KNTC1: variants seen among roughly 807,000 people sequenced by gnomAD.
KNTC1 encodes kinetochore associated 1.
In KNTC1, 253 loss-of-function variants were observed where a neutral mutation model predicts 314.4. The ratio of observed to expected loss-of-function variants is 0.80; its 90% CI spans 0.73 to 0.89. The LOEUF is 0.89. Among genes scored for constraint, KNTC1 ranks in the 40% least tolerant of loss-of-function variants. KNTC1 has a pLI of 0.00. For missense variants in KNTC1, 2,475 were observed against 2,572.9 expected (o/e 0.96, Z 0.82); for synonymous variants, 901 against 901.4 (o/e 1.00, Z 0.01).
intron 51 of KNTC1, among the ~76,000 whole-genome samples, chr12:122,607,575 C>T (rs890011277): frequency 6.6e-6 from 1 of 152,154 alleles, no homozygotes; most frequent in Non-Finnish European, 1.5e-5. Context: ...CATTTGGAGG[C>T]ACATGAGGTC....
At position 122,622,364 on chromosome 12, in the gene KNTC1, G is replaced by A. The variant is rs116262440; in HGVS notation, c.6370-98G>A. The A allele has an allele frequency of 1.9e-3, 2,058 of 1,101,122 alleles. 28 individuals are homozygous for A. The African/African-American group carries it at 0.03, about 16-fold the overall frequency. 68.2% of individuals were successfully genotyped at this position (1,101,122 alleles called of 1,614,324 possible). On this transcript the variant is annotated intron_variant, in intron 61 of 63. Coordinates refer to ENST00000333479, the MANE Select transcript of KNTC1 (RefSeq NM_014708.6). Reference sequence around the variant, plus strand: ...GGCTTCCGATTGTCAGAAATGTTTTGATATTGAATAAAGGCTTGATACCTG... The same window carrying A: ...GGCTTCCGATTGTCAGAAATGTTTTAATATTGAATAAAGGCTTGATACCTG...
chr12:122,604,358 G>C (rs1380291954), intron 48 of KNTC1, among the ~76,000 whole-genome samples: 4 of 151,640 alleles, frequency 2.6e-5, no homozygotes, highest in African/African-American at 4.8e-5. Flanking sequence ...TGTTGGCCAG[G>C]GTGGTCTCAA....
intron 24 of KNTC1, among the ~76,000 whole-genome samples, chr12:122,572,466 C>T (rs978698582): frequency 2.6e-5 from 4 of 152,124 alleles, no homozygotes; most frequent in African/African-American, 7.2e-5. Flanking sequence ...AAGGTTGTGT[C>T]TGTCAAGTCA....
chr12:122,571,585 C>T (rs986706477), intron 24 of KNTC1, among the ~76,000 whole-genome samples: 5 of 151,986 alleles, frequency 3.3e-5, no homozygotes, highest in African/African-American at 1.2e-4. Context: ...TCTTGAACTC[C>T]CAGACCCAAG....
intron 18 of KNTC1, among the ~76,000 whole-genome samples, chr12:122,558,429 G>T (rs1456006581): frequency 6.6e-6 from 1 of 151,892 alleles, no homozygotes; most frequent in African/African-American, 2.4e-5. Flanking sequence ...TCACGCGCCT[G>T]TAGTCTCAAC....
intron 12 of KNTC1, 91 bp downstream of exon 12, chr12:122,548,060 A>G (rs1962921368): frequency 1.5e-6 from 1 of 679,630 alleles, no homozygotes; most frequent in Non-Finnish European, 2.4e-6. Flanking sequence ...AGTACAGCAT[A>G]TTAGCTCTTA....
At position 122,577,058 on chromosome 12, in the gene KNTC1, ATGGC is replaced by A. The variant is rs1965077772; in HGVS notation, c.2721+31_2721+34del. 3.4e-6 allele frequency: 5 copies of A among 1,462,638 alleles called. No homozygotes were observed. The East Asian group carries it at 1.3e-4, about 39-fold the overall frequency. The allele number at this position is 1,462,638 out of a possible 1,614,324, so 90.6% of individuals were successfully genotyped here. On this transcript the variant is annotated intron_variant, in intron 30 of 63. Coordinates refer to ENST00000333479, the MANE Select transcript of KNTC1 (RefSeq NM_014708.6). ...TGTAAGTTTTATGTTGTCATTTCAT[ATGGC>A]TTCTTTGTTTCTGTGTTGTTGTTGT... is the stretch of plus-strand genomic sequence containing the variant.
chr12:122,544,097 A>G (rs972136912), intron 7 of KNTC1, 62 bp from the exon 8 acceptor site: 1 of 675,522 alleles, frequency 1.5e-6, no homozygotes, highest in Non-Finnish European at 2.5e-6. Flanking sequence ...AACTGATTTT[A>G]GTGATTTTAT....
chr12:122,560,161 C>T (rs981976288), intron 18 of KNTC1, among the ~76,000 whole-genome samples: 2 of 152,144 alleles, frequency 1.3e-5, no homozygotes, highest in African/African-American at 2.4e-5. Context: ...CCTCCAGGTT[C>T]ATTCATGTTG....
chr12:122,554,555 A>G (rs1042180974), intron 16 of KNTC1, among the ~76,000 whole-genome samples: 1 of 152,182 alleles, frequency 6.6e-6, no homozygotes, highest in African/African-American at 2.4e-5. Context: ...CTTTATTTTT[A>G]AAGCTAAAGG....
intron 43 of KNTC1, 130 bp from the exon 44 acceptor site, chr12:122,597,601 G>C (rs772080274): frequency 2.1e-5 from 16 of 752,532 alleles, no homozygotes; most frequent in African/African-American, 8.7e-5. Context: ...TAGTTTGTCT[G>C]ATTTTGAGAC....
chr12:122,533,999 C>G (rs536219335), intron 2 of KNTC1, among the ~76,000 whole-genome samples: 2 of 152,344 alleles, frequency 1.3e-5, no homozygotes, highest in East Asian at 3.9e-4. Flanking sequence ...TAGTAAGGGA[C>G]TGAGCTTCCT....
intron 30 of KNTC1, 120 bp from the exon 31 acceptor site, chr12:122,577,552 A>C (rs891357452): frequency 8.9e-6 from 9 of 1,012,686 alleles, no homozygotes; most frequent in Non-Finnish European, 1.3e-5. Flanking sequence ...AAAACATTGA[A>C]CCATAATCTG....
intron 62 of KNTC1, among the ~76,000 whole-genome samples, chr12:122,623,712 A>G (rs1446706823): frequency 6.6e-6 from 1 of 152,124 alleles, no homozygotes; most frequent in Non-Finnish European, 1.5e-5. Flanking sequence ...TGTGATACCC[A>G]AATTCATCAG....
Position 122,549,869 on chromosome 12 carries a change from GT to G in KNTC1, c.1086+8del. The G allele has an allele frequency of 6.9e-7, 1 of 1,455,530 alleles. No homozygotes were observed. The highest frequency in any genetic ancestry group is 9.5e-7 in the Non-Finnish European group (1 of 1,051,616). The allele number at this position is 1,455,530 out of a possible 1,614,324, so 90.2% of individuals were successfully genotyped here. A position where few individuals can be genotyped will look rare whatever the true frequency, so the allele number is the denominator to read the frequency against. ...GTCCAAACAGGAATTAGCACAGTAA[GT>G]TTATTTGCATTTTAAAGTATTCTTT... is the stretch of plus-strand genomic sequence containing the variant. On this transcript the variant is annotated splice_donor_region_variant and intron_variant, in intron 13 of 63. Coordinates refer to ENST00000333479, the MANE Select transcript of KNTC1 (RefSeq NM_014708.6).
intron 51 of KNTC1, among the ~76,000 whole-genome samples, chr12:122,605,626 A>G (rs996119978): frequency 1.3e-5 from 2 of 152,086 alleles, no homozygotes; most frequent in Non-Finnish European, 2.9e-5. Context: ...GCTCACTGCA[A>G]CCTCTGCCTC....
At chr12:122,594,906 G>A (rs1282751872) in intron 43 of KNTC1, among the ~76,000 whole-genome samples, 5 of 151,950 alleles carry the variant, frequency 3.3e-5, no homozygotes, top group East Asian at 1.9e-4. Flanking sequence ...TATTTGAGAC[G>A]GAGTCTCCCT....
intron 27 of KNTC1, 24 bp downstream of exon 27, chr12:122,574,404 G>C: frequency 7.4e-7 from 1 of 1,356,600 alleles, no homozygotes; most frequent in Non-Finnish European, 1.0e-6. Flanking sequence ...GACCATTTGC[G>C]TTTCCCTTTT....
intron 43 of KNTC1, among the ~76,000 whole-genome samples, chr12:122,595,623 C>T (rs201543889): frequency 7.2e-5 from 11 of 151,966 alleles, no homozygotes; most frequent in Non-Finnish European, 1.3e-4. Context: ...CTATAGGCTG[C>T]GCATAGCTCG....
Sources: allele counts gnomAD v4.1 joint callset (sites outside exome capture counted in the v4.1 genomes callset), GRCh38; gene constraint gnomAD v4.1.1; transcripts MANE v1.5; gene names NCBI Gene and HGNC (gene_info 2026-07-23, HGNC 2026-07-21).